Variants in COL28A1 observed in about 807,000 individuals in gnomAD.
The protein encoded by COL28A1 is collagen alpha-1(XXVIII) chain.
A neutral mutation model predicts 150.2 loss-of-function variants in COL28A1; 161 were observed. The ratio of observed to expected loss-of-function variants is 1.07; its 90% CI spans 0.94 to 1.22. The LOEUF (loss-of-function observed/expected upper bound fraction) is 1.22. Among genes scored for constraint, COL28A1 ranks in the 50% most tolerant of loss-of-function variants. The pLI is 0.00. For missense variants in COL28A1, 1,617 were observed against 1,388.3 expected (o/e 1.16, Z -2.62); for synonymous variants, 552 against 469.7 (o/e 1.18, Z -2.26).
At chr7:7,396,838 A>G (rs1038683698) in intron 27 of COL28A1, among the ~76,000 whole-genome samples, 60 of 152,290 alleles carry the variant, frequency 3.9e-4, no homozygotes, top group African/African-American at 1.4e-3. Flanking sequence ...TTATAGATGC[A>G]GGGACTGATT....
chr7:7,512,021 TTA>T lies in COL28A1; in HGVS notation c.883-888_883-887del, dbSNP rs200224176. 5.9e-5 allele frequency among the ~76,000 whole-genome samples: 9 copies of T among 152,328 alleles called. No individual in the cohort carries two copies. In the East Asian group the frequency reaches 1.7e-3, roughly 29 times the overall value. On this transcript the variant is annotated intron_variant, in intron 8 of 34. Coordinates refer to ENST00000399429, the MANE Select transcript of COL28A1 (RefSeq NM_001037763.3). ...AGAGAATGTGGTATACAATGGAATA[TTA>T]TTCAGCCTTTGAGAAAGAAATCCTG...
chr7:7,396,323 G>T (rs1017379685), intron 27 of COL28A1, among the ~76,000 whole-genome samples: 1 of 151,970 alleles, frequency 6.6e-6, no homozygotes, highest in Non-Finnish European at 1.5e-5. Flanking sequence ...GATAACCCTG[G>T]GAGCAAGTAT....
intron 11 of COL28A1, among the ~76,000 whole-genome samples, chr7:7,495,523 A>G (rs1780159224): frequency 6.6e-6 from 1 of 152,174 alleles, no homozygotes; most frequent in Non-Finnish European, 1.5e-5. Context: ...TCACTCCCCA[A>G]TATAGTCATC....
chr7:7,431,817 T>G (rs1784996364), intron 25 of COL28A1, among the ~76,000 whole-genome samples: 1 of 152,172 alleles, frequency 6.6e-6, no homozygotes, highest in African/African-American at 2.4e-5. Context: ...ATTGTCTGCC[T>G]GGCAGAAGCA....
intron 32 of COL28A1, among the ~76,000 whole-genome samples, chr7:7,372,362 G>A (rs1781277054): frequency 6.6e-6 from 1 of 151,428 alleles, no homozygotes; most frequent in Admixed American, 6.6e-5. Flanking sequence ...TCACACCACA[G>A]CACTCCAGCA....
At chr7:7,501,166 C>A (rs545837682) in intron 11 of COL28A1, among the ~76,000 whole-genome samples, 77 of 152,170 alleles carry the variant, frequency 5.1e-4, no homozygotes, top group Non-Finnish European at 1.0e-3. Context: ...TTACACTTGA[C>A]TGTACAGCAA....
At chr7:7,501,949 G>A (rs1780553496) in intron 11 of COL28A1, among the ~76,000 whole-genome samples, 1 of 152,106 alleles carries the variant, frequency 6.6e-6, no homozygotes, top group Non-Finnish European at 1.5e-5. Context: ...CAGCTGGAGT[G>A]CAGTGGTGCA....
At chr7:7,489,755 G>A (rs1779817486) in intron 12 of COL28A1, among the ~76,000 whole-genome samples, 2 of 152,168 alleles carry the variant, frequency 1.3e-5, no homozygotes, top group South Asian at 4.2e-4. Context: ...TTACAGAGCT[G>A]ACTAAGCTGA....
rs1408649631 is a variant in COL28A1 at position 7,453,553 on chromosome 7, G to C, written c.1372-45C>G. 7 of 845,246 alleles carry C rather than the reference G, an allele frequency of 8.3e-6. No homozygotes were observed. The East Asian group carries it at 1.7e-4, about 21-fold the overall frequency. The allele number at this position is 845,246 out of a possible 1,614,324, so 52.4% of individuals were successfully genotyped here. On this transcript the variant is annotated intron_variant, in intron 16 of 34. Transcript: ENST00000399429. ...AAAATAGTGTTAGTGAAATGAAGTA[G>C]TTTCAAATCCTCTAAAGTGAAACTT...
At chr7:7,477,950 C>T (rs892570744) in intron 13 of COL28A1, among the ~76,000 whole-genome samples, 1 of 152,180 alleles carries the variant, frequency 6.6e-6, no homozygotes, top group Non-Finnish European at 1.5e-5. Flanking sequence ...AATCCCTGAG[C>T]TAGACACCAA....
At chr7:7,440,031 A>G (rs1396775814) in intron 21 of COL28A1, among the ~76,000 whole-genome samples, 1 of 152,160 alleles carries the variant, frequency 6.6e-6, no homozygotes, top group Non-Finnish European at 1.5e-5. Context: ...TAGAGACATG[A>G]ACTCTCTTAC....
At chr7:7,436,996 G>C (rs915188623) in intron 22 of COL28A1, among the ~76,000 whole-genome samples, 3 of 152,146 alleles carry the variant, frequency 2.0e-5, no homozygotes, top group African/African-American at 7.2e-5. Flanking sequence ...CAAGATCGCA[G>C]CACTGCACTC....
chr7:7,464,490 G>A (rs1422228082), intron 15 of COL28A1, among the ~76,000 whole-genome samples: 3 of 152,158 alleles, frequency 2.0e-5, no homozygotes, highest in Non-Finnish European at 4.4e-5. Context: ...AATAAAACTG[G>A]AAATCAACTC....
rs77557607 is a variant in COL28A1 at position 7,459,262 on chromosome 7, A to C, written c.1303-3150T>G. Among the ~76,000 whole-genome samples the C allele has an allele frequency of 6.2e-3, 939 of 152,346 alleles. 11 individuals carry two copies. The highest frequency in any genetic ancestry group is 0.022 in the African/African-American group (914 of 41,576). ...TTGTATTCAGTTCTCGCTGCTCCAAAGGAAGAAAGAGCAACTCATGTATTT... is the reference window on the plus strand; with the variant it reads ...TTGTATTCAGTTCTCGCTGCTCCAACGGAAGAAAGAGCAACTCATGTATTT... On this transcript the variant is annotated intron_variant, in intron 15 of 34. Transcript: ENST00000399429.
At chr7:7,413,290 T>C (rs185102136) in intron 27 of COL28A1, among the ~76,000 whole-genome samples, 2 of 152,278 alleles carry the variant, frequency 1.3e-5, no homozygotes, top group Admixed American at 1.3e-4. Context: ...GAAGTTGCCA[T>C]GTAGACCACC....
At chr7:7,418,062 C>G (rs1287616456) in intron 26 of COL28A1, 135 bp from the exon 27 acceptor site, 1 of 619,850 alleles carries the variant, frequency 1.6e-6, no homozygotes, top group African/African-American at 1.9e-5. Context: ...AAGCTACTTC[C>G]TATTTTACTT....
At chr7:7,537,283 A>G (rs1488527554), upstream of COL28A1, among the ~76,000 whole-genome samples, 1 of 152,172 alleles carries the variant, frequency 6.6e-6, no homozygotes, top group Non-Finnish European at 1.5e-5. Flanking sequence ...CACCATGTAG[A>G]CACACCAATG....
chr7:7,445,249 A>G (rs192114853), intron 18 of COL28A1, among the ~76,000 whole-genome samples: 1 of 152,338 alleles, frequency 6.6e-6, no homozygotes. Context: ...TAAGAAGAGG[A>G]AAATGCCTCT....
intron 11 of COL28A1, among the ~76,000 whole-genome samples, chr7:7,497,554 T>A (rs573282758): frequency 2.0e-5 from 3 of 152,160 alleles, no homozygotes; most frequent in Non-Finnish European, 4.4e-5. Context: ...TATGCCAAAC[T>A]GCCTCTTGAA....
Sources: allele counts gnomAD v4.1 joint callset (sites outside exome capture counted in the v4.1 genomes callset), GRCh38; gene constraint gnomAD v4.1.1; transcripts MANE v1.5; gene names NCBI Gene and HGNC (gene_info 2026-07-23, HGNC 2026-07-21).